MARCHF11: variants seen among roughly 807,000 people sequenced by gnomAD.
MARCHF11 encodes the protein E3 ubiquitin-protein ligase MARCHF11.
Under a neutral mutation model 37.3 loss-of-function variants are expected in MARCHF11, and 29 were observed. The ratio of observed to expected loss-of-function variants is 0.78; its 90% CI spans 0.58 to 1.06. The LOEUF is 1.06. Ranked by LOEUF, MARCHF11 falls within the 50% of genes least tolerant of loss-of-function variation. The probability of loss-of-function intolerance (pLI) is 0.00; values close to 1 mark genes in which losing one functional copy is unlikely to be tolerated. For missense variants in MARCHF11, 482 were observed against 533.4 expected (o/e 0.90, Z 0.95); for synonymous variants, 233 against 228.0 (o/e 1.02, Z -0.20).
chr5:16,111,532 A>G (rs1469772488), intron 2 of MARCHF11, among the ~76,000 whole-genome samples: 1 of 152,188 alleles, frequency 6.6e-6, no homozygotes, highest in Middle Eastern at 3.2e-3. Context: ...CTAAGCAGCA[A>G]AGCATTCAAG....
chr5:16,140,067 G>C (rs1284808033), intron 2 of MARCHF11, among the ~76,000 whole-genome samples: 2 of 152,116 alleles, frequency 1.3e-5, no homozygotes, highest in Non-Finnish European at 2.9e-5. Context: ...TAAACTTTGT[G>C]TCAAAAATGA....
chr5:16,082,778 A>T (rs996311544), intron 3 of MARCHF11, among the ~76,000 whole-genome samples: 2 of 152,238 alleles, frequency 1.3e-5, no homozygotes, highest in Admixed American at 1.3e-4. Context: ...AGTGAGCTTC[A>T]TTCTTCACGT....
chr5:16,106,956 G>T (rs183343595), intron 2 of MARCHF11, among the ~76,000 whole-genome samples: 1 of 152,054 alleles, frequency 6.6e-6, no homozygotes, highest in Non-Finnish European at 1.5e-5. Context: ...AATCTTTCTT[G>T]TCAGTTCAAG....
intron 2 of MARCHF11, among the ~76,000 whole-genome samples, chr5:16,094,692 T>G (rs1736838304): frequency 6.6e-6 from 1 of 152,220 alleles, no homozygotes; most frequent in Non-Finnish European, 1.5e-5. Context: ...GCTGTTTACT[T>G]CTACAAAATA....
At chr5:16,107,018 G>A (rs189197080) in intron 2 of MARCHF11, among the ~76,000 whole-genome samples, 131 of 152,328 alleles carry the variant, frequency 8.6e-4, no homozygotes, top group Non-Finnish European at 1.5e-3. Flanking sequence ...CCCCATGAAC[G>A]TCAGATGTGG....
At chr5:16,140,829 G>C (rs1040805057) in intron 2 of MARCHF11, among the ~76,000 whole-genome samples, 1 of 152,122 alleles carries the variant, frequency 6.6e-6, no homozygotes, top group Non-Finnish European at 1.5e-5. Flanking sequence ...GACGGAATTT[G>C]ACAAAATTTA....
chr5:16,115,960 T>C (rs148966862), intron 2 of MARCHF11, among the ~76,000 whole-genome samples: 1 of 152,262 alleles, frequency 6.6e-6, no homozygotes, highest in African/African-American at 2.4e-5. Context: ...TATCTTTCTC[T>C]AGGAAAGTTT....
At chr5:16,108,493 G>A (rs1292443533) in intron 2 of MARCHF11, among the ~76,000 whole-genome samples, 1 of 152,194 alleles carries the variant, frequency 6.6e-6, no homozygotes, top group African/African-American at 2.4e-5. Flanking sequence ...TGCAGTGGTG[G>A]GTACAGAACT....
chr5:16,170,376 T>TA (rs35108250), intron 2 of MARCHF11, among the ~76,000 whole-genome samples: 2,750 of 151,726 alleles, frequency 0.018, 96 homozygotes, highest in African/African-American at 0.063. Flanking sequence ...GAAGCTTTTA[T>TA]AAAAAAAAAT....
At chr5:16,108,747 A>G (rs1170934830) in intron 2 of MARCHF11, among the ~76,000 whole-genome samples, 1 of 152,192 alleles carries the variant, frequency 6.6e-6, no homozygotes, top group Non-Finnish European at 1.5e-5. Flanking sequence ...AGAGTGGACA[A>G]CACAGAACAA....
At chr5:16,098,767 C>CAA (rs952595468) in intron 2 of MARCHF11, among the ~76,000 whole-genome samples, 114 of 103,310 alleles carry the variant, frequency 1.1e-3, no homozygotes, top group African/African-American at 4.1e-3. Context: ...GACTCCATCT[C>CAA]AAAAAAAAAA....
chr5:16,074,382 A>G (rs1297745639), intron 3 of MARCHF11, among the ~76,000 whole-genome samples: 1 of 152,188 alleles, frequency 6.6e-6, no homozygotes, highest in African/African-American at 2.4e-5. Context: ...AACACAGCAG[A>G]AGAAAAGAAA....
At chr5:16,171,254 C>T (rs553725626) in intron 2 of MARCHF11, among the ~76,000 whole-genome samples, 1 of 135,916 alleles carries the variant, frequency 7.4e-6, no homozygotes, top group Admixed American at 7.5e-5. Context: ...ATCCCTCCCC[C>T]CTCCCCCAAC....
At chr5:16,086,713 C>T (rs1354247476) in intron 3 of MARCHF11, among the ~76,000 whole-genome samples, 1 of 152,222 alleles carries the variant, frequency 6.6e-6, no homozygotes, top group African/African-American at 2.4e-5. Flanking sequence ...TGACAGCCTT[C>T]ACCTTTTAGA....
At chr5:16,110,908 T>TG (rs1441237823) in intron 2 of MARCHF11, among the ~76,000 whole-genome samples, 1 of 152,160 alleles carries the variant, frequency 6.6e-6, no homozygotes, top group Non-Finnish European at 1.5e-5. Context: ...AACTGAATCA[T>TG]GGGGGTGGTT....
chr5:16,169,093 G>T (rs957837463), intron 2 of MARCHF11, among the ~76,000 whole-genome samples: 1 of 152,052 alleles, frequency 6.6e-6, no homozygotes, highest in Non-Finnish European at 1.5e-5. Flanking sequence ...ACCAAGGCAA[G>T]CCCGTGTAAG....
At chr5:16,107,900 C>T (rs973160787) in intron 2 of MARCHF11, among the ~76,000 whole-genome samples, 14 of 152,018 alleles carry the variant, frequency 9.2e-5, no homozygotes, top group Admixed American at 9.2e-4. Flanking sequence ...AGATCATCTT[C>T]CCACTCCATC....
At chr5:16,092,012 A>T (rs1736797412) in intron 2 of MARCHF11, among the ~76,000 whole-genome samples, 1 of 152,222 alleles carries the variant, frequency 6.6e-6, no homozygotes, top group Non-Finnish European at 1.5e-5. Context: ...CTATGGCAAC[A>T]TATGGCTTCT....
At chr5:16,130,049 T>C (rs1435850320) in intron 2 of MARCHF11, among the ~76,000 whole-genome samples, 1 of 152,190 alleles carries the variant, frequency 6.6e-6, no homozygotes, top group Non-Finnish European at 1.5e-5. Flanking sequence ...TGCAAATTAT[T>C]TTAACAATTA....
Sources: gnomAD v4.1 joint callset for allele counts (sites outside exome capture counted in the v4.1 genomes callset) on GRCh38, gnomAD v4.1.1 for gene constraint, MANE v1.5 for transcripts, NCBI Gene and HGNC (gene_info 2026-07-23, HGNC 2026-07-21) for gene names.